Variants in SLC4A4 observed in about 807,000 individuals in gnomAD.
SLC4A4 encodes solute carrier family 4 member 4.
In SLC4A4, 27 loss-of-function variants were observed where a neutral mutation model predicts 111.5. That is an observed-to-expected ratio of 0.24 (90% CI 0.18 to 0.33). SLC4A4 has a LOEUF of 0.33. SLC4A4 is among the 10% of genes least tolerant of loss of function. The probability of loss-of-function intolerance (pLI) is 1.00; values close to 1 mark genes in which losing one functional copy is unlikely to be tolerated. For synonymous variants in SLC4A4, 443 were observed against 463.4 expected (o/e 0.96, Z 0.57); for missense variants, 909 against 1,315.5 (o/e 0.69, Z 4.78).
intron 2 of SLC4A4, among the ~76,000 whole-genome samples, chr4:71,167,105 T>C (rs1443030525): frequency 1.3e-5 from 2 of 152,036 alleles, no homozygotes; most frequent in Non-Finnish European, 2.9e-5. Context: ...GCTGAAGAGA[T>C]TTGAGGGCTG....
At position 71,534,788 on chromosome 4, in the gene SLC4A4, T is replaced by C. The variant is rs531968418; in HGVS notation, c.2442+400T>C. On this transcript the variant is annotated intron_variant, in intron 18 of 25. Transcript: ENST00000264485. The stretch of plus-strand genomic sequence containing the variant: ...TCAACTCAGGTTTATTCTTAAAGAT[T>C]ATTCAGATAGTTCATGGTTGTAAGC... Among the ~76,000 whole-genome samples, 31 of 152,290 alleles carry C rather than the reference T, an allele frequency of 2.0e-4. No homozygotes were observed. In the South Asian group the frequency reaches 2.1e-3, roughly 10 times the overall value.
chr4:71,180,976 C>T (rs988016794), intron 2 of SLC4A4, among the ~76,000 whole-genome samples: 5 of 151,978 alleles, frequency 3.3e-5, no homozygotes, highest in Non-Finnish European at 5.9e-5. Flanking sequence ...AAATGTCCAA[C>T]AATGATAGAC....
chr4:71,567,914 C>G lies in SLC4A4; in HGVS notation c.*163C>G. On this transcript the variant is annotated 3_prime_UTR_variant, in exon 26 of 26. Transcript: ENST00000264485. ...TGTAACCTGTTTGTCTTTCTTAAAA[C>G]TGACATTTGTTGTTAATGTCATTTG... The G allele has an allele frequency of 7.8e-7, 1 of 1,282,074 alleles. No individual in the cohort carries two copies. The highest frequency in any genetic ancestry group is 1.1e-6 in the Non-Finnish European group (1 of 917,514). The allele number at this position is 1,282,074 out of a possible 1,614,324, so 79.4% of individuals were successfully genotyped here.
intron 16 of SLC4A4, among the ~76,000 whole-genome samples, chr4:71,522,760 T>A (rs1407081733): frequency 2.6e-5 from 4 of 152,202 alleles, no homozygotes; most frequent in Non-Finnish European, 1.5e-5. Flanking sequence ...GTTATTGTCA[T>A]TTAAATAAAC....
intron 4 of SLC4A4, among the ~76,000 whole-genome samples, chr4:71,340,083 G>T (rs1050722871): frequency 5.3e-5 from 8 of 152,074 alleles, no homozygotes; most frequent in Admixed American, 3.3e-4. Context: ...AATCAGCCGG[G>T]CATGGTGGTG....
At chr4:71,519,645 C>CAT (rs969470478) in intron 16 of SLC4A4, among the ~76,000 whole-genome samples, 1 of 89,080 alleles carries the variant, frequency 1.1e-5, no homozygotes, top group Non-Finnish European at 3.4e-5. Flanking sequence ...TTAAGAACAT[C>CAT]ATTTTTTTTG....
chr4:71,547,201 A>G (rs984040853), intron 19 of SLC4A4, among the ~76,000 whole-genome samples: 1 of 151,912 alleles, frequency 6.6e-6, no homozygotes, highest in Admixed American at 6.6e-5. Flanking sequence ...GACTGATGTG[A>G]TTTATTGTGC....
intron 16 of SLC4A4, among the ~76,000 whole-genome samples, chr4:71,527,674 G>C (rs1530976): frequency 0.97 from 146,661 of 151,760 alleles, 71,089 homozygotes; most frequent in East Asian, 1. Context: ...TTGCCACCGT[G>C]TATTTCCCTT....
intron 7 of SLC4A4, among the ~76,000 whole-genome samples, chr4:71,439,518 A>G (rs1350235429): frequency 6.9e-6 from 1 of 144,414 alleles, no homozygotes; most frequent in Non-Finnish European, 1.5e-5. Context: ...TTATTCGTCC[A>G]TTCTTAGCTC....
At chr4:71,202,579 C>G (rs990917384) in intron 1 of SLC4A4, among the ~76,000 whole-genome samples, 1 of 152,248 alleles carries the variant, frequency 6.6e-6, no homozygotes, top group East Asian at 1.9e-4. Context: ...TTTGTATACC[C>G]TAATAAAGCC....
At chr4:71,071,843 G>T (rs1224506269) in intron 1 of SLC4A4, among the ~76,000 whole-genome samples, 1 of 152,148 alleles carries the variant, frequency 6.6e-6, no homozygotes, top group Non-Finnish European at 1.5e-5. Flanking sequence ...AGATAATGCT[G>T]CATAAATATC....
In SLC4A4 at chr4:71,066,242, C is replaced by T. The variant is rs189996077; in HGVS notation, c.-65+3454C>T. ...GATTTGAACCAGGATCTCTCTGGATCCAAAGCCTCTGATGTTTCTAATTGG... is the reference window on the plus strand; with the variant it reads ...GATTTGAACCAGGATCTCTCTGGATTCAAAGCCTCTGATGTTTCTAATTGG... On this transcript the variant is annotated intron_variant, in intron 1 of 26. Transcript: ENST00000649996. 5.3e-5 allele frequency among the ~76,000 whole-genome samples: 8 copies of T among 152,292 alleles called. No homozygotes were observed. In the East Asian group the frequency reaches 1.5e-3, roughly 29 times the overall value.
chr4:71,171,323 ACTTT>A (rs1466847366), intron 2 of SLC4A4, among the ~76,000 whole-genome samples: 2 of 152,262 alleles, frequency 1.3e-5, no homozygotes, highest in Admixed American at 6.5e-5. Context: ...AGTGGTGCCA[ACTTT>A]CTTTATGTAC....
At chr4:71,313,572 A>T (rs192519519) in intron 3 of SLC4A4, among the ~76,000 whole-genome samples, 6 of 152,318 alleles carry the variant, frequency 3.9e-5, no homozygotes, top group African/African-American at 1.4e-4. Flanking sequence ...ACCAAAACAG[A>T]TATATAGACC....
At chr4:71,294,559 T>C (rs1355474026) in intron 3 of SLC4A4, among the ~76,000 whole-genome samples, 1 of 152,210 alleles carries the variant, frequency 6.6e-6, no homozygotes, top group East Asian at 1.9e-4. Flanking sequence ...CAAGTGTGCC[T>C]GTTAGGAGAG....
At chr4:71,089,715 A>G (rs1362489143) in intron 1 of SLC4A4, among the ~76,000 whole-genome samples, 1 of 151,900 alleles carries the variant, frequency 6.6e-6, no homozygotes, top group Non-Finnish European at 1.5e-5. Flanking sequence ...AACAGTGGAT[A>G]TTGGTGAAGA....
At chr4:71,302,252 A>G (rs1455308386) in intron 3 of SLC4A4, among the ~76,000 whole-genome samples, 2 of 152,222 alleles carry the variant, frequency 1.3e-5, no homozygotes, top group Admixed American at 1.3e-4. Context: ...GCAATGCACT[A>G]AGAATAATGA....
At chr4:71,259,076 C>G (rs570427433) in intron 3 of SLC4A4, among the ~76,000 whole-genome samples, 29 of 152,192 alleles carry the variant, frequency 1.9e-4, no homozygotes, top group African/African-American at 7.0e-4. Context: ...CTGTAGTGCT[C>G]TATGATTGCC....
chr4:71,138,992 T>C (rs1984848), intron 2 of SLC4A4, among the ~76,000 whole-genome samples: 20,047 of 134,614 alleles, frequency 0.15, 1,562 homozygotes, highest in African/African-American at 0.23. Context: ...GCAGAGATCG[T>C]GCCACTGCAC....
Sources: gnomAD v4.1 joint callset for allele counts (sites outside exome capture counted in the v4.1 genomes callset) on GRCh38, gnomAD v4.1.1 for gene constraint, MANE v1.5 for transcripts, NCBI Gene and HGNC (gene_info 2026-07-23, HGNC 2026-07-21) for gene names.